The following HHAT variants were observed in gnomAD, a reference collection of about 807,000 sequenced individuals.
HHAT encodes the protein protein-cysteine N-palmitoyltransferase HHAT.
A neutral mutation model predicts 70.8 loss-of-function variants in HHAT; 47 were observed. The ratio of observed to expected loss-of-function variants is 0.66; its 90% CI spans 0.53 to 0.85. HHAT has a LOEUF of 0.85. HHAT is among the 40% of genes least tolerant of loss of function. HHAT has a pLI of 0.00. For missense variants in HHAT, 609 were observed against 604.8 expected, an observed-to-expected ratio of 1.01 and a Z score of -0.07; for synonymous variants, 228 against 247.6, an observed-to-expected ratio of 0.92 and a Z score of 0.74.
At position 210,674,626 on chromosome 1, in the gene HHAT, T is replaced by A. The variant is rs1574163622; in HGVS notation, c.*247T>A. The A allele has an allele frequency of 2.1e-5, 10 of 475,022 alleles. No individual in the cohort carries two copies. The East Asian group carries it at 3.5e-4, about 17-fold the overall frequency. 29.4% of individuals were successfully genotyped at this position (475,022 alleles called of 1,614,324 possible). A position where few individuals can be genotyped will look rare whatever the true frequency, so the allele number is the denominator to read the frequency against. ...TATTGAGGAAACGGGTCCAGGGCAG[T>A]CGTGTGTCTTACCCAGCTACACAGG... On this transcript the variant is annotated 3_prime_UTR_variant, in exon 12 of 12. Transcript: ENST00000261458.
Position 210,616,287 on chromosome 1 carries a change from T to C in HHAT, c.1246-7239T>C, listed in dbSNP as rs191170902. Among the ~76,000 whole-genome samples the C allele has an allele frequency of 4.6e-4, 70 of 152,210 alleles. No homozygotes were observed. In the South Asian group the frequency reaches 6.8e-3, roughly 15 times the overall value. ...TGTACAATAGATTACTTCAACTTAT[T>C]CCTCCTATCTAATTGAAATTTTGAA... On this transcript the variant is annotated intron_variant, in intron 10 of 11. Coordinates refer to ENST00000261458, the MANE Select transcript of HHAT (RefSeq NM_018194.6).
intron 11 of HHAT, among the ~76,000 whole-genome samples, chr1:210,638,710 A>G (rs1573926110): frequency 1.7e-5 from 2 of 115,680 alleles, no homozygotes; most frequent in Non-Finnish European, 3.4e-5. Context: ...ACATAGAGAG[A>G]CCCTGTATTT....
At chr1:210,604,505 T>C (rs767659235) in intron 10 of HHAT, among the ~76,000 whole-genome samples, 1 of 152,204 alleles carries the variant, frequency 6.6e-6, no homozygotes, top group African/African-American at 2.4e-5. Flanking sequence ...CAGAAAAGTA[T>C]GTGAAAGGTT....
chr1:210,554,182 C>T (rs887329590), intron 9 of HHAT, among the ~76,000 whole-genome samples: 1 of 152,092 alleles, frequency 6.6e-6, no homozygotes, highest in Non-Finnish European at 1.5e-5. Flanking sequence ...AGCATGAGGG[C>T]GCACATTATT....
At chr1:210,418,436 C>A (rs1345162047) in intron 7 of HHAT, 111 bp downstream of exon 7, 2 of 925,920 alleles carry the variant, frequency 2.2e-6, no homozygotes. Flanking sequence ...ATAGCAAACC[C>A]TCTTTATTAT....
intron 10 of HHAT, among the ~76,000 whole-genome samples, chr1:210,602,752 G>A (rs1475447617): frequency 2.0e-5 from 3 of 152,142 alleles, no homozygotes; most frequent in Admixed American, 2.0e-4. Context: ...GTGTTGTTAT[G>A]AACGGTGTGT....
At chr1:210,481,486 T>G (rs1190163808) in intron 8 of HHAT, among the ~76,000 whole-genome samples, 1 of 152,152 alleles carries the variant, frequency 6.6e-6, no homozygotes, top group African/African-American at 2.4e-5. Flanking sequence ...ATTACTGTGC[T>G]TGGGGGTCAC....
chr1:210,587,899 T>C lies in HHAT; in HGVS notation c.1045T>C (p.Tyr349His). ...CCTAACAGCCTCTTCTTTCTCTAGG[T>C]ATGTGTACATTCCAGTGGGCGGGTC... is the stretch of plus-strand genomic sequence containing the variant. ...DVGLHNFLIR[Y>H]VYIPVGGSQH... Residue 349 changes from tyrosine (Y) to histidine (H), a missense_variant and splice_region_variant, in exon 10 of 12, where the codon TAT becomes CAT. Physicochemically the swap from Tyr to His is moderately conservative, Grantham distance 83. Coordinates refer to ENST00000261458, the MANE Select transcript of HHAT (RefSeq NM_018194.6). The C allele has an allele frequency of 6.2e-7, 1 of 1,612,440 alleles. No homozygotes were observed. Among genetic ancestry groups the C allele is most frequent in the East Asian group, 2.2e-5 (1 of 44,860 alleles).
chr1:210,669,218 A>G (rs1330975331), intron 11 of HHAT, among the ~76,000 whole-genome samples: 2 of 152,114 alleles, frequency 1.3e-5, no homozygotes, highest in Non-Finnish European at 2.9e-5. Flanking sequence ...CAGGCTTTCC[A>G]TTCCTTTCAG....
intron 9 of HHAT, among the ~76,000 whole-genome samples, chr1:210,555,666 T>C (rs1396713220): frequency 6.6e-6 from 1 of 152,242 alleles, no homozygotes. Context: ...GATAACAGGC[T>C]GGAACCTATT....
chr1:210,645,288 A>AT (rs1673791219), intron 11 of HHAT, among the ~76,000 whole-genome samples: 1 of 151,896 alleles, frequency 6.6e-6, no homozygotes, highest in African/African-American at 2.4e-5. Flanking sequence ...AGGTATATAT[A>AT]TTTTTTTGAG....
intron 6 of HHAT, 114 bp downstream of exon 6, chr1:210,404,793 A>G (rs2092259647): frequency 8.5e-6 from 6 of 707,678 alleles, no homozygotes; most frequent in Admixed American, 8.2e-5. Context: ...CAGATTTACA[A>G]CACATACTAT....
intron 7 of HHAT, among the ~76,000 whole-genome samples, chr1:210,428,948 C>A (rs1176682796): frequency 6.6e-6 from 1 of 151,810 alleles, no homozygotes; most frequent in Non-Finnish European, 1.5e-5. Context: ...TGCACTCTAG[C>A]AGCCTGGGCA....
intron 10 of HHAT, among the ~76,000 whole-genome samples, chr1:210,617,532 T>G (rs1026071403): frequency 6.6e-6 from 1 of 152,164 alleles, no homozygotes; most frequent in African/African-American, 2.4e-5. Context: ...TATTGCTCAA[T>G]CTGGAACTTT....
chr1:210,607,659 T>G (rs1331229204), intron 10 of HHAT, among the ~76,000 whole-genome samples: 2 of 152,184 alleles, frequency 1.3e-5, no homozygotes, highest in Non-Finnish European at 2.9e-5. Flanking sequence ...CCATGTGCCT[T>G]GACTCTTTAT....
intron 9 of HHAT, among the ~76,000 whole-genome samples, chr1:210,586,865 G>C (rs1247379788): frequency 6.6e-6 from 1 of 152,200 alleles, no homozygotes; most frequent in Non-Finnish European, 1.5e-5. Context: ...GAAGAACATA[G>C]TACTGTCTCT....
At chr1:210,611,065 T>C (rs867390162) in intron 10 of HHAT, among the ~76,000 whole-genome samples, 16 of 152,198 alleles carry the variant, frequency 1.1e-4, no homozygotes, top group African/African-American at 3.1e-4. Context: ...CAATGATAGT[T>C]TAATGGGAAT....
chr1:210,431,317 G>A (rs1347329593), intron 7 of HHAT, among the ~76,000 whole-genome samples: 1 of 151,708 alleles, frequency 6.6e-6, no homozygotes, highest in African/African-American at 2.4e-5. Flanking sequence ...CCCCACATGT[G>A]GCTTGTGAAA....
At position 210,397,940 on chromosome 1, in the gene HHAT, A is replaced by G. The variant is rs554987633; in HGVS notation, c.274-2528A>G. On this transcript the variant is annotated intron_variant, in intron 4 of 11. Transcript: ENST00000261458. The stretch of plus-strand genomic sequence containing the variant: ...ATGGGGACTGCCCTGCCATGATGCC[A>G]GTTGGATTGCAAGACATGGGAGGCT... Among the ~76,000 whole-genome samples, 171 of 152,332 alleles carry G rather than the reference A, an allele frequency of 1.1e-3. 1 individual carries two copies. The highest frequency in any genetic ancestry group is 2.3e-3 in the African/African-American group (95 of 41,580).
Sources: allele counts gnomAD v4.1 joint callset (sites outside exome capture counted in the v4.1 genomes callset), GRCh38; gene constraint gnomAD v4.1.1; transcripts MANE v1.5; gene names NCBI Gene and HGNC (gene_info 2026-07-23, HGNC 2026-07-21).